The following AP5Z1 variants were observed in gnomAD, a reference collection of about 807,000 sequenced individuals.
AP5Z1 encodes AP-5 complex subunit zeta-1.
A neutral mutation model predicts 83.0 loss-of-function variants in AP5Z1; 106 were observed. The observed-to-expected ratio is 1.28, with a 90% CI of 1.09 to 1.50. AP5Z1 has a LOEUF of 1.50. Among genes scored for constraint, AP5Z1 ranks in the 40% most tolerant of loss-of-function variants. The pLI, the probability that AP5Z1 is intolerant of heterozygous loss-of-function variation, is 0.00. For missense variants in AP5Z1, 1,565 were observed against 1,094.2 expected, an observed-to-expected ratio of 1.43 and a Z score of -6.07; for synonymous variants, 751 against 514.1, an observed-to-expected ratio of 1.46 and a Z score of -6.23.
chr7:4,777,738 G>A (rs1032668247), intron 1 of AP5Z1, among the ~76,000 whole-genome samples: 2 of 151,976 alleles, frequency 1.3e-5, no homozygotes, highest in Admixed American at 6.6e-5. Flanking sequence ...GGCTCGGGTG[G>A]GCAGCCGTTT....
chr7:4,791,342 T>A lies in AP5Z1; in HGVS notation c.2381T>A (p.Val794Asp), dbSNP rs1209949501. ...GCCCTGCCCCTGGCCCTGCGCACGGTCAGCCGGCTGGTGGAGAGGGAGGCC... is the reference window on the plus strand; with the variant it reads ...GCCCTGCCCCTGGCCCTGCGCACGGACAGCCGGCTGGTGGAGAGGGAGGCC... ...NTALPLALRT[V>D]SRLVEREAGL... Residue 794 changes from valine (V) to aspartate (D), a missense_variant, in exon 17 of 17, where the codon GTC (valine) becomes GAC (aspartate). Transcript: ENST00000649063. The A allele has an allele frequency of 6.2e-7, 1 of 1,609,468 alleles. No homozygotes were observed. Among genetic ancestry groups the A allele is most frequent in the South Asian group, 1.1e-5 (1 of 90,408 alleles).
chr7:4,789,053 C>T (rs1194719115), intron 13 of AP5Z1, 102 bp downstream of exon 13: 8 of 988,654 alleles, frequency 8.1e-6, no homozygotes, highest in Non-Finnish European at 1.2e-5. Context: ...CAGAAGGCTG[C>T]TCCCGCCACA....
At chr7:4,783,595 A>G (rs1170341107) in intron 4 of AP5Z1, 94 bp from the exon 5 acceptor site, 5 of 1,522,104 alleles carry the variant, frequency 3.3e-6, no homozygotes, top group African/African-American at 2.7e-5. Context: ...ACGCTGCAGG[A>G]TTCTGTTTTC....
intron 14 of AP5Z1, 55 bp downstream of exon 14, chr7:4,789,984 T>TCCCCCCCTCCCCCCCCCCCCCCCCCC: frequency 2.6e-6 from 3 of 1,133,802 alleles, no homozygotes; most frequent in South Asian, 3.3e-5. Context: ...CCTGGACTCC[T>TCCCCCCCTCCCCCCCCCCCCCCCCCC]CCCCCTCTCC....
chr7:4,778,927 A>T (rs1393280879), intron 1 of AP5Z1, among the ~76,000 whole-genome samples: 1 of 146,704 alleles, frequency 6.8e-6, no homozygotes, highest in African/African-American at 2.5e-5. Flanking sequence ...CAGCTACTTG[A>T]AAGGCTGAGG....
At chr7:4,778,425 C>T (rs1781281258) in intron 1 of AP5Z1, among the ~76,000 whole-genome samples, 1 of 152,088 alleles carries the variant, frequency 6.6e-6, no homozygotes, top group South Asian at 2.1e-4. Flanking sequence ...AGAGCCTCAG[C>T]CCACTAGCTC....
intron 1 of AP5Z1, 27 bp downstream of exon 1, chr7:4,775,783 T>C: frequency 6.3e-7 from 1 of 1,599,924 alleles, no homozygotes; most frequent in South Asian, 1.1e-5. Flanking sequence ...GCCCCGGCCC[T>C]CCTTCCTGCA....
chr7:4,784,133 C>A, intron 5 of AP5Z1, 70 bp from the exon 6 acceptor site: 1 of 1,494,990 alleles, frequency 6.7e-7, no homozygotes, highest in South Asian at 1.3e-5. Context: ...TCCTGAGGAG[C>A]TTGTGCTAAA....
rs1583233481 is a variant in AP5Z1 at position 4,785,658 on chromosome 7, C to T, written c.1106C>T (p.Pro369Leu). The part of the protein sequence containing the change: ...GDPASVRVLL[P>L]LAHFFLSHGE... ...CCGGCCTCTGTGCGGGTGCTGCTGC[C>T]CCTCGCCCACTTCTTCCTGAGCCAC... is the stretch of plus-strand genomic sequence containing the variant. The change falls in exon 9 of 17, where the codon CCC becomes CTC. Residue 369 changes from proline to leucine, a missense_variant. Coordinates refer to ENST00000649063, the MANE Select transcript of AP5Z1 (RefSeq NM_014855.3). 3 of 1,546,810 alleles carry T rather than the reference C, an allele frequency of 1.9e-6. No homozygotes were observed. The highest frequency in any genetic ancestry group is 1.9e-5 in the Admixed American group (1 of 53,464).
At chr7:4,786,971 C>T (rs1781567473) in intron 10 of AP5Z1, among the ~76,000 whole-genome samples, 1 of 151,952 alleles carries the variant, frequency 6.6e-6, no homozygotes, top group East Asian at 2.0e-4. Flanking sequence ...GGGGTTTCGA[C>T]ATGTTGGCCA....
chr7:4,777,806 C>T (rs1486545205), intron 1 of AP5Z1, among the ~76,000 whole-genome samples: 1 of 152,130 alleles, frequency 6.6e-6, no homozygotes, highest in Non-Finnish European at 1.5e-5. Flanking sequence ...CTGCAGTTGC[C>T]CTCTGTTAGG....
At chr7:4,789,073 C>T (rs1345951996) in intron 13 of AP5Z1, 122 bp downstream of exon 13, 2 of 849,770 alleles carry the variant, frequency 2.4e-6, no homozygotes, top group Non-Finnish European at 3.7e-6. Flanking sequence ...ACCCACCATC[C>T]ACGGTCCCTG....
In AP5Z1 at chr7:4,791,288, GCCC is replaced by G. The variant is rs1562415760; in HGVS notation, c.2330_2332del (p.Pro777del). The G allele has an allele frequency of 6.2e-7, 1 of 1,612,574 alleles. No individual in the cohort carries two copies. On this transcript the variant is annotated inframe_deletion, in exon 17 of 17. Transcript: ENST00000649063. ...CTCACACCCAGCACGGAGGTGTGCA[GCCC>G]CCGCTATCACCGCGATGCCAACACG...
intron 11 of AP5Z1, 99 bp downstream of exon 11, chr7:4,787,875 C>T: frequency 7.3e-7 from 1 of 1,378,826 alleles, no homozygotes; most frequent in South Asian, 1.4e-5. Flanking sequence ...ACCGGGGACC[C>T]TCCTTCTTCC....
chr7:4,779,654 T>A (rs1781327731), intron 1 of AP5Z1, among the ~76,000 whole-genome samples: 3 of 151,504 alleles, frequency 2.0e-5, no homozygotes, highest in Non-Finnish European at 4.4e-5. Flanking sequence ...TTTTTTTTGT[T>A]TTTGAGACGG....
rs1277249158 is a variant in AP5Z1, at chr7:4,792,561, C to G, written c.*1176C>G. On this transcript the variant is annotated 3_prime_UTR_variant, in exon 17 of 17. Transcript: ENST00000649063. ...AGATGCCCGAGCCGAACCGCGGGGT[C>G]CTCACCGCCAGGTTCCAGCCCAGGA... The G allele has an allele frequency of 6.6e-6, 1 of 152,264 alleles. No individual in the cohort carries two copies. The highest frequency in any genetic ancestry group is 2.4e-5 in the African/African-American group (1 of 41,446). 9.4% of individuals were successfully genotyped at this position (152,264 alleles called of 1,614,324 possible). A position where few individuals can be genotyped will look rare whatever the true frequency, so the allele number is the denominator to read the frequency against.
chr7:4,781,310 G>C lies in AP5Z1; in HGVS notation c.177G>C (p.Arg59=), dbSNP rs1486649213. 2 of 1,613,288 alleles carry C rather than the reference G, an allele frequency of 1.2e-6. No homozygotes were observed. The highest frequency in any genetic ancestry group is 2.2e-5 in the South Asian group (2 of 91,076). ...TCATCTCAGCCACGAAGTACAGCCG[G>C]AGGTGAGTGTGGCGACGGCTCAGGC... ...FLIISATKYS[R]RLEKTCVDLL... Residue 59 remains arginine (R), a splice_region_variant and synonymous_variant, in exon 2 of 17, where the codon CGG becomes CGC. Coordinates refer to ENST00000649063, the MANE Select transcript of AP5Z1 (RefSeq NM_014855.3).
At chr7:4,785,785 G>GAATA in intron 9 of AP5Z1, 101 bp downstream of exon 9, 3 of 1,221,412 alleles carry the variant, frequency 2.5e-6, no homozygotes, top group Middle Eastern at 2.9e-4. Context: ...TTTTTTGATT[G>GAATA]AATAGAGACA....
Position 4,783,387 on chromosome 7 carries a change from G to T in AP5Z1, c.438G>T (p.Glu146Asp), listed in dbSNP as rs1005240276. Residue 146 changes from glutamate (E) to aspartate (D), a missense_variant, in exon 4 of 17, where the codon GAG (glutamate) becomes GAT (aspartate). Coordinates refer to ENST00000649063, the MANE Select transcript of AP5Z1 (RefSeq NM_014855.3). Reference protein sequence around the residue: ...VLRALESRQPEGPSLRHLLPV... With the variant: ...VLRALESRQPDGPSLRHLLPV... Reference sequence around the variant, plus strand: ...GAGCGCTGGAGAGCCGGCAGCCTGAGGGACCCAGCCTCAGACACCTCCTCC... The same window carrying T: ...GAGCGCTGGAGAGCCGGCAGCCTGATGGACCCAGCCTCAGACACCTCCTCC... 5 of 1,613,132 alleles carry T rather than the reference G, an allele frequency of 3.1e-6. No individual in the cohort carries two copies. The highest frequency in any genetic ancestry group is 4.2e-6 in the Non-Finnish European group (5 of 1,179,806).
Sources: gnomAD v4.1 joint callset for allele counts (sites outside exome capture counted in the v4.1 genomes callset) on GRCh38, gnomAD v4.1.1 for gene constraint, MANE v1.5 for transcripts, NCBI Gene and HGNC (gene_info 2026-07-23, HGNC 2026-07-21) for gene names.